The following CNGB3 variants were observed in gnomAD, a reference collection of about 807,000 sequenced individuals.
The protein encoded by CNGB3 is cyclic nucleotide gated channel subunit beta 3.
In CNGB3, 86 loss-of-function variants were observed where a neutral mutation model predicts 92.8. The observed-to-expected ratio is 0.93, with a 90% CI of 0.78 to 1.11. The LOEUF is 1.11. CNGB3 is among the 50% of genes least tolerant of loss of function. CNGB3 has a pLI of 0.00. For synonymous variants in CNGB3, 333 were observed against 332.7 expected, an observed-to-expected ratio of 1.00 and a Z score of -0.01; for missense variants, 1,026 against 956.8, an observed-to-expected ratio of 1.07 and a Z score of -0.95.
At chr8:86,604,063 T>C (rs1822363791) in intron 15 of CNGB3, 30 bp downstream of exon 15, 2 of 1,392,116 alleles carry the variant, frequency 1.4e-6, no homozygotes, top group South Asian at 2.3e-5. Flanking sequence ...AATGATGGAC[T>C]TCAATATTTA....
intron 10 of CNGB3, among the ~76,000 whole-genome samples, chr8:86,634,277 C>A (rs1252096296): frequency 6.6e-6 from 1 of 152,084 alleles, no homozygotes; most frequent in Non-Finnish European, 1.5e-5. Flanking sequence ...AGATATTCAA[C>A]AATTTATTAG....
At chr8:86,618,307 C>T (rs968776959) in intron 13 of CNGB3, among the ~76,000 whole-genome samples, 3 of 152,128 alleles carry the variant, frequency 2.0e-5, no homozygotes, top group Non-Finnish European at 4.4e-5. Context: ...GGTGGGGACC[C>T]CTGATCTAAT....
At chr8:86,603,986 A>G (rs1822362263) in intron 15 of CNGB3, 107 bp downstream of exon 15, 1 of 776,578 alleles carries the variant, frequency 1.3e-6, no homozygotes, top group Non-Finnish European at 2.3e-6. Context: ...TGCTCTCAGC[A>G]CAATCAAACC....
At chr8:86,659,024 G>A (rs907957396) in intron 6 of CNGB3, 20 of 1,004,906 alleles carry the variant, frequency 2.0e-5, no homozygotes, top group African/African-American at 4.7e-5. Context: ...GCAGGTGCTC[G>A]GCCTCCACTT....
chr8:86,632,937 T>C (rs756332325), intron 10 of CNGB3, 44 bp from the exon 11 acceptor site: 2 of 1,534,906 alleles, frequency 1.3e-6, no homozygotes, highest in Non-Finnish European at 1.8e-6. Flanking sequence ...TTCTATATCA[T>C]CGAAAGACCA....
intron 8 of CNGB3, among the ~76,000 whole-genome samples, chr8:86,646,324 G>A (rs1823291801): frequency 1.3e-5 from 2 of 150,882 alleles, no homozygotes; most frequent in South Asian, 2.1e-4. Context: ...TGGAAATATG[G>A]GATAAAGAAC....
chr8:86,687,623 C>T (rs187870642), intron 3 of CNGB3, among the ~76,000 whole-genome samples: 59 of 152,092 alleles, frequency 3.9e-4, no homozygotes, highest in African/African-American at 1.4e-3. Flanking sequence ...GTGGCAGTTG[C>T]GCAACACTGA....
intron 3 of CNGB3, among the ~76,000 whole-genome samples, chr8:86,700,516 A>T (rs1284325639): frequency 6.6e-6 from 1 of 152,184 alleles, no homozygotes; most frequent in Non-Finnish European, 1.5e-5. Flanking sequence ...AATTAACGAG[A>T]TTAAATTGTT....
intron 10 of CNGB3, among the ~76,000 whole-genome samples, chr8:86,636,892 T>C (rs2131589105): frequency 6.6e-6 from 1 of 152,276 alleles, no homozygotes; most frequent in Non-Finnish European, 1.5e-5. Flanking sequence ...AGGCATAATG[T>C]CCCCCAGCAC....
At chr8:86,708,608 C>T (rs1387195319) in intron 3 of CNGB3, among the ~76,000 whole-genome samples, 2 of 132,236 alleles carry the variant, frequency 1.5e-5, no homozygotes, top group African/African-American at 5.6e-5. Context: ...CACTCTGTCA[C>T]TCAGGCTGGA....
At chr8:86,658,768 C>A in intron 6 of CNGB3, 1 of 513,410 alleles carries the variant, frequency 1.9e-6, no homozygotes, top group South Asian at 2.4e-5. Context: ...TTCATGAAGC[C>A]AGTCTGCAAC....
At chr8:86,645,078 G>A (rs1353486693) in intron 8 of CNGB3, among the ~76,000 whole-genome samples, 2 of 151,276 alleles carry the variant, frequency 1.3e-5, no homozygotes, top group African/African-American at 4.8e-5. Flanking sequence ...GTTATAAATA[G>A]ATGTTAAGTC....
intron 3 of CNGB3, among the ~76,000 whole-genome samples, chr8:86,713,285 G>C (rs567145491): frequency 1.1e-3 from 171 of 152,232 alleles, no homozygotes; most frequent in African/African-American, 4.0e-3. Context: ...TGGTTCTCCA[G>C]CCTAGATTTA....
intron 3 of CNGB3, among the ~76,000 whole-genome samples, chr8:86,689,497 TTA>T (rs145435920): frequency 0.087 from 13,012 of 149,756 alleles, 616 homozygotes; most frequent in East Asian, 0.13. Flanking sequence ...CACAAACCAA[TTA>T]TATATATATA....
intron 13 of CNGB3, among the ~76,000 whole-genome samples, chr8:86,617,869 G>A (rs745447453): frequency 1.1e-4 from 17 of 152,002 alleles, no homozygotes; most frequent in Non-Finnish European, 2.1e-4. Flanking sequence ...GGATGGTTTC[G>A]GGATGATTCA....
chr8:86,603,315 C>T lies in CNGB3; in HGVS notation c.1781+778G>A, dbSNP rs147678736. Reference sequence around the variant, plus strand: ...TTTATTCCTAGAGTTAAGAGCAATACCTGACAATCTAGCACGTACCAGGCA... The same window carrying T: ...TTTATTCCTAGAGTTAAGAGCAATATCTGACAATCTAGCACGTACCAGGCA... On this transcript the variant is annotated intron_variant, in intron 15 of 17. Transcript: ENST00000320005. Among the ~76,000 whole-genome samples, 24 of 152,242 alleles carry T rather than the reference C, an allele frequency of 1.6e-4. No homozygotes were observed. In the East Asian group the frequency reaches 4.6e-3, roughly 29 times the overall value.
chr8:86,577,948 C>T (rs933848721), intron 17 of CNGB3, among the ~76,000 whole-genome samples: 1 of 152,092 alleles, frequency 6.6e-6, no homozygotes, highest in Non-Finnish European at 1.5e-5. Context: ...ATTGCTCTGT[C>T]GCCCAGGCTG....
intron 5 of CNGB3, 95 bp from the exon 6 acceptor site, chr8:86,667,228 T>C: frequency 2.9e-6 from 3 of 1,039,454 alleles, no homozygotes; most frequent in Non-Finnish European, 4.4e-6. Context: ...CACTACCCTC[T>C]ACAGAGTAAT....
At chr8:86,706,969 A>G (rs1824662372) in intron 3 of CNGB3, among the ~76,000 whole-genome samples, 8 of 152,230 alleles carry the variant, frequency 5.3e-5, no homozygotes. Flanking sequence ...TAAAAATATT[A>G]TAAAATCAGA....
Sources: gnomAD v4.1 joint callset for allele counts (sites outside exome capture counted in the v4.1 genomes callset) on GRCh38, gnomAD v4.1.1 for gene constraint, MANE v1.5 for transcripts, NCBI Gene and HGNC (gene_info 2026-07-23, HGNC 2026-07-21) for gene names.